DENND6A: variants seen among roughly 807,000 people sequenced by gnomAD.
The protein encoded by DENND6A is DENN domain containing 6A.
Under a neutral mutation model 95.5 loss-of-function variants are expected in DENND6A, and 43 were observed. The observed-to-expected ratio is 0.45, with a 90% CI of 0.35 to 0.58. DENND6A has a LOEUF of 0.58. Ranked by LOEUF, DENND6A falls within the 20% of genes least tolerant of loss-of-function variation. The pLI, the probability that DENND6A is intolerant of heterozygous loss-of-function variation, is 0.00. For synonymous variants in DENND6A, 257 were observed against 260.4 expected, an observed-to-expected ratio of 0.99 and a Z score of 0.13; for missense variants, 574 against 736.0, an observed-to-expected ratio of 0.78 and a Z score of 2.55.
intron 4 of DENND6A, 60 bp from the exon 5 acceptor site, chr3:57,663,776 T>C: frequency 1.0e-6 from 1 of 966,042 alleles, no homozygotes; most frequent in Non-Finnish European, 1.5e-6. Context: ...TATCTATATC[T>C]ATATCCATAT....
At chr3:57,661,933 A>G (rs2071430075) in intron 5 of DENND6A, among the ~76,000 whole-genome samples, 1 of 152,050 alleles carries the variant, frequency 6.6e-6, no homozygotes, top group Admixed American at 6.6e-5. Flanking sequence ...AAGACTTATG[A>G]GTTATATTTT....
At chr3:57,683,912 T>A (rs184478972) in intron 1 of DENND6A, among the ~76,000 whole-genome samples, 11 of 152,212 alleles carry the variant, frequency 7.2e-5, no homozygotes, top group African/African-American at 2.4e-4. Context: ...TTCAGCACTT[T>A]GGGAGGCCGC....
intron 15 of DENND6A, among the ~76,000 whole-genome samples, chr3:57,632,835 T>C (rs999591727): frequency 1.3e-5 from 2 of 152,326 alleles, no homozygotes; most frequent in East Asian, 1.9e-4. Flanking sequence ...AAGACAGATA[T>C]AGTCCCTGTT....
At chr3:57,692,229 CAAAA>C (rs11303769) in intron 1 of DENND6A, among the ~76,000 whole-genome samples, 1 of 72,838 alleles carries the variant, frequency 1.4e-5, no homozygotes, top group Non-Finnish European at 2.6e-5. Flanking sequence ...AACTCCGTCT[CAAAA>C]AAAAAAAAAA....
chr3:57,641,772 A>AC, intron 11 of DENND6A, 25 bp from the exon 12 acceptor site: 1 of 1,573,028 alleles, frequency 6.4e-7, no homozygotes, highest in Non-Finnish European at 8.7e-7. Context: ...ACAAAACAAA[A>AC]TAAAAAAGGT....
At chr3:57,664,111 A>C (rs1229536794) in intron 4 of DENND6A, among the ~76,000 whole-genome samples, 1 of 152,230 alleles carries the variant, frequency 6.6e-6, no homozygotes, top group Non-Finnish European at 1.5e-5. Context: ...AAAAAAAATC[A>C]AATTCTGTTT....
chr3:57,674,205 T>C (rs919472218), intron 1 of DENND6A, among the ~76,000 whole-genome samples: 2 of 151,904 alleles, frequency 1.3e-5, no homozygotes, highest in African/African-American at 4.8e-5. Context: ...ACCCCGTCTC[T>C]ACTAAAAATA....
At chr3:57,673,213 C>CAAAAAAAAAAAAAAAAAAAAAAAAA (rs386396751) in intron 1 of DENND6A, among the ~76,000 whole-genome samples, 1 of 70,690 alleles carries the variant, frequency 1.4e-5, no homozygotes, top group Non-Finnish European at 2.4e-5. Context: ...CATTTCGTAT[C>CAAAAAAAAAAAAAAAAAAAAAAAAA]AAAAAAAAAA....
chr3:57,633,715 C>T (rs1252355254), intron 14 of DENND6A, among the ~76,000 whole-genome samples: 1 of 151,972 alleles, frequency 6.6e-6, no homozygotes, highest in Non-Finnish European at 1.5e-5. Flanking sequence ...ATGGTGAAAC[C>T]CCGTCTCTAC....
chr3:57,630,633 A>G (rs1177674119), intron 17 of DENND6A, 82 bp downstream of exon 17: 1 of 1,537,506 alleles, frequency 6.5e-7, no homozygotes, highest in African/African-American at 1.4e-5. Context: ...TTTTTTAAAA[A>G]GAATAAGCTT....
intron 9 of DENND6A, among the ~76,000 whole-genome samples, chr3:57,655,538 C>G (rs1214053722): frequency 1.3e-5 from 2 of 152,140 alleles, no homozygotes; most frequent in African/African-American, 4.8e-5. Flanking sequence ...CATGATGCCA[C>G]AAGTGGAAAA....
At chr3:57,663,836 A>C in intron 4 of DENND6A, 120 bp from the exon 5 acceptor site, 1 of 487,524 alleles carries the variant, frequency 2.1e-6, no homozygotes, top group Non-Finnish European at 3.5e-6. Flanking sequence ...CCAAATCAAG[A>C]CATGAGATAT....
rs1553745090 is a variant in DENND6A at position 57,682,669 on chromosome 3, G to GC, written c.237+10112_237+10113insG. 8.6e-5 allele frequency among the ~76,000 whole-genome samples: 13 copies of GC among 151,458 alleles called. 1 individual carries two copies. The East Asian group carries it at 2.5e-3, about 29-fold the overall frequency. ...TAGTCTCTGGACCACTGACTATATGGTTTTTTTTGTTTTGTTTTGTTTTTG... is the reference window on the plus strand; with the variant it reads ...TAGTCTCTGGACCACTGACTATATGGCTTTTTTTTGTTTTGTTTTGTTTTTG... On this transcript the variant is annotated intron_variant, in intron 1 of 19. Coordinates refer to ENST00000311128, the MANE Select transcript of DENND6A (RefSeq NM_152678.3).
At chr3:57,687,134 C>T (rs1272642589) in intron 1 of DENND6A, among the ~76,000 whole-genome samples, 1 of 152,116 alleles carries the variant, frequency 6.6e-6, no homozygotes, top group African/African-American at 2.4e-5. Context: ...GCTGAGAATA[C>T]AGGCCTGAGA....
intron 9 of DENND6A, among the ~76,000 whole-genome samples, chr3:57,650,776 C>T (rs1181761300): frequency 7.4e-6 from 1 of 134,976 alleles, no homozygotes; most frequent in South Asian, 2.6e-4. Context: ...TGTAGTATAT[C>T]CACATGGAAT....
chr3:57,634,516 T>C (rs1212870134), intron 14 of DENND6A, 42 bp downstream of exon 14: 1 of 1,154,836 alleles, frequency 8.7e-7, no homozygotes. Flanking sequence ...ATTACATACC[T>C]GAACAAGGAA....
At chr3:57,635,724 TAA>T (rs1043788080) in intron 12 of DENND6A, among the ~76,000 whole-genome samples, 1 of 152,236 alleles carries the variant, frequency 6.6e-6, no homozygotes. Context: ...TAAAAAATTT[TAA>T]GAGTATGTAT....
chr3:57,676,375 TAAAAAA>T lies in DENND6A; in HGVS notation c.238-3943_238-3938del, dbSNP rs35465829. On this transcript the variant is annotated intron_variant, in intron 1 of 19. Transcript: ENST00000311128. ...AGCCTGGCAAAAGAATAAGATTATTTAAAAAAAAAAAAAAAAAAAAAAAGGCCTTCT... is the reference window on the plus strand; with the variant it reads ...AGCCTGGCAAAAGAATAAGATTATTTAAAAAAAAAAAAAAAAAGGCCTTCT... Among the ~76,000 whole-genome samples, 643 of 87,364 alleles carry T rather than the reference TAAAAAA, an allele frequency of 7.4e-3. 4 individuals are homozygous for T. Among genetic ancestry groups the T allele is most frequent in the African/African-American group, 0.026 (611 of 23,506 alleles). 57.3% of individuals were successfully genotyped at this position (87,364 alleles called of 152,430 possible).
chr3:57,670,059 G>C (rs2071591657), intron 3 of DENND6A, among the ~76,000 whole-genome samples: 1 of 149,684 alleles, frequency 6.7e-6, no homozygotes, highest in Non-Finnish European at 1.5e-5. Context: ...AAAAAAATCT[G>C]TAGGTCATTC....
Sources: allele counts gnomAD v4.1 joint callset (sites outside exome capture counted in the v4.1 genomes callset), GRCh38; gene constraint gnomAD v4.1.1; transcripts MANE v1.5; gene names NCBI Gene and HGNC (gene_info 2026-07-23, HGNC 2026-07-21).